The following TMTC4 variants were observed in gnomAD, a reference collection of about 807,000 sequenced individuals.
TMTC4 encodes transmembrane O-mannosyltransferase targeting cadherins 4, also known as protein O-mannosyl-transferase TMTC4.
Under a neutral mutation model 86.0 loss-of-function variants are expected in TMTC4, and 65 were observed. The observed-to-expected ratio is 0.76, with a 90% CI of 0.62 to 0.93. The LOEUF (loss-of-function observed/expected upper bound fraction) is 0.93, where lower values mean the gene tolerates loss of function less well. Ranked by LOEUF, TMTC4 falls within the 40% of genes least tolerant of loss-of-function variation. The probability of loss-of-function intolerance (pLI) is 0.00; values close to 1 mark genes in which losing one functional copy is unlikely to be tolerated. For missense variants in TMTC4, 866 were observed against 948.1 expected, an observed-to-expected ratio of 0.91 and a Z score of 1.14; for synonymous variants, 379 against 382.5, an observed-to-expected ratio of 0.99 and a Z score of 0.11.
At chr13:100,665,898 TAG>T (rs1886339902) in intron 3 of TMTC4, 1 of 402,264 alleles carries the variant, frequency 2.5e-6, no homozygotes, top group African/African-American at 2.1e-5. Flanking sequence ...AAGAGCAGGT[TAG>T]AGATTCTGTG....
chr13:100,650,993 C>T (rs866499470), intron 6 of TMTC4, among the ~76,000 whole-genome samples: 1 of 152,178 alleles, frequency 6.6e-6, no homozygotes. Flanking sequence ...AACTACACAG[C>T]TTAAGGGGAG....
At chr13:100,636,200 G>T (rs1421024423) in intron 10 of TMTC4, among the ~76,000 whole-genome samples, 1 of 152,120 alleles carries the variant, frequency 6.6e-6, no homozygotes, top group Non-Finnish European at 1.5e-5. Context: ...GCAATAATGG[G>T]CACAACACAC....
intron 6 of TMTC4, among the ~76,000 whole-genome samples, chr13:100,654,165 CA>C (rs978234741): frequency 9.2e-5 from 14 of 152,216 alleles, no homozygotes; most frequent in African/African-American, 3.4e-4. Context: ...CAAGTAACTT[CA>C]ACCAAGTCAA....
chr13:100,674,850 A>ACCCGACCCCCCCCGCGCC, upstream of TMTC4: 3 of 969,358 alleles, frequency 3.1e-6, no homozygotes, highest in Non-Finnish European at 3.7e-6. Context: ...CCCGCCGCGC[A>ACCCGACCCCCCCCGCGCC]CCCGACCCCC....
rs118140449 is a variant in TMTC4, at chr13:100,670,282, C to A, written c.3+78G>T. On this transcript the variant is annotated intron_variant, in intron 2 of 18. Coordinates refer to ENST00000342624, the MANE Select transcript of TMTC4 (RefSeq NM_032813.5). ...AATAAGAAGCCAGCCAAATAGGCCA[C>A]CTGAAGTCACAGGCATCTTTCTATA... 2.9e-3 allele frequency: 4,497 copies of A among 1,543,842 alleles called. 38 individuals are homozygous for A. Among genetic ancestry groups the A allele is most frequent in the East Asian group, 0.017 (708 of 41,284 alleles).
At chr13:100,650,835 C>G (rs755962156) in intron 6 of TMTC4, among the ~76,000 whole-genome samples, 2 of 152,234 alleles carry the variant, frequency 1.3e-5, no homozygotes, top group African/African-American at 2.4e-5. Context: ...GCCAACTGCC[C>G]TATTTTATAA....
intron 15 of TMTC4, among the ~76,000 whole-genome samples, chr13:100,622,639 C>T (rs1879712062): frequency 6.6e-6 from 1 of 152,168 alleles, no homozygotes; most frequent in Non-Finnish European, 1.5e-5. Context: ...GATTGTGAGG[C>T]CTCCCCAGCC....
chr13:100,632,466 C>A, intron 12 of TMTC4, among the ~76,000 whole-genome samples: 1 of 152,128 alleles, frequency 6.6e-6, no homozygotes, highest in East Asian at 1.9e-4. Flanking sequence ...GGGGCAATTA[C>A]TGCGATTCAA....
At chr13:100,664,469 A>T (rs1886171595) in intron 3 of TMTC4, 133 bp from the exon 4 acceptor site, 1 of 587,778 alleles carries the variant, frequency 1.7e-6, no homozygotes, top group African/African-American at 1.9e-5. Flanking sequence ...CTCTATGTTG[A>T]TATCTCGAAA....
intron 12 of TMTC4, among the ~76,000 whole-genome samples, chr13:100,631,704 A>G (rs1881383339): frequency 6.6e-6 from 1 of 152,168 alleles, no homozygotes; most frequent in South Asian, 2.1e-4. Context: ...GCCAGTTGCC[A>G]ATTTCTTACT....
intron 15 of TMTC4, 136 bp from the exon 16 acceptor site, chr13:100,614,566 T>A: frequency 1.6e-6 from 1 of 638,410 alleles, no homozygotes; most frequent in Non-Finnish European, 2.6e-6. Context: ...ACTTTAATTA[T>A]GGAGCTTCTA....
chr13:100,675,066 A>C, upstream of TMTC4: 1 of 985,574 alleles, frequency 1.0e-6, no homozygotes, highest in African/African-American at 1.7e-5. Flanking sequence ...GGACAGACGG[A>C]CCCGGCGGGA....
chr13:100,614,536 C>T, intron 15 of TMTC4, 106 bp from the exon 16 acceptor site: 1 of 843,224 alleles, frequency 1.2e-6, no homozygotes, highest in African/African-American at 1.8e-5. Flanking sequence ...CAACAAACAA[C>T]AATAAAAAAC....
chr13:100,656,555 T>TTTTTTTTTTTTTTTTTTTG (rs1885144494), intron 5 of TMTC4, 87 bp from the exon 6 acceptor site: 1 of 790,732 alleles, frequency 1.3e-6, no homozygotes, highest in Non-Finnish European at 1.8e-6. Flanking sequence ...TTTTTTTTTT[T>TTTTTTTTTTTTTTTTTTTG]TTTTTGCGAC....
intron 3 of TMTC4, among the ~76,000 whole-genome samples, chr13:100,665,068 C>T (rs577801315): frequency 3.3e-5 from 5 of 151,522 alleles, no homozygotes; most frequent in East Asian, 3.9e-4. Flanking sequence ...ACTATGAAAT[C>T]AGAAAAAAAA....
intron 5 of TMTC4, 74 bp from the exon 6 acceptor site, chr13:100,656,542 C>CATTTTTTTTTTTTT: frequency 2.6e-6 from 1 of 384,140 alleles, no homozygotes; most frequent in Non-Finnish European, 4.2e-6. Flanking sequence ...GGAGACATAA[C>CATTTTTTTTTTTTT]TTTTTTTTTT....
intron 3 of TMTC4, 90 bp from the exon 4 acceptor site, chr13:100,664,426 G>A (rs1320379331): frequency 1.4e-5 from 12 of 866,148 alleles, no homozygotes; most frequent in South Asian, 3.7e-5. Context: ...ATGCAGTCAG[G>A]CCTCCTAGCG....
At chr13:100,673,887 C>T (rs1240383474) in intron 1 of TMTC4, among the ~76,000 whole-genome samples, 1 of 152,170 alleles carries the variant, frequency 6.6e-6, no homozygotes, top group African/African-American at 2.4e-5. Context: ...TAGTCAGTCC[C>T]TACTATAACT....
chr13:100,664,448 C>T (rs1886168696), intron 3 of TMTC4, 112 bp from the exon 4 acceptor site: 3 of 667,250 alleles, frequency 4.5e-6, no homozygotes, highest in Non-Finnish European at 5.0e-6. Context: ...GGATGCTGTG[C>T]CCAACATGTT....
Sources: allele counts gnomAD v4.1 joint callset (sites outside exome capture counted in the v4.1 genomes callset), GRCh38; gene constraint gnomAD v4.1.1; transcripts MANE v1.5; gene names NCBI Gene and HGNC (gene_info 2026-07-23, HGNC 2026-07-21).